The following ENTREP2 variants were observed in gnomAD, a reference collection of about 807,000 sequenced individuals.
ENTREP2 encodes the protein protein ENTREP2.
the ENTREP2 span, among the ~76,000 whole-genome samples, chr15:29,404,531 A>T: frequency 6.6e-6 from 1 of 150,700 alleles, no homozygotes; most frequent in Non-Finnish European, 1.5e-5. Flanking sequence ...CAGAAGGAAC[A>T]CCCTCCTGCC....
chr15:29,345,351 G>A, the ENTREP2 span, among the ~76,000 whole-genome samples: 1 of 152,140 alleles, frequency 6.6e-6, no homozygotes, highest in Non-Finnish European at 1.5e-5. Flanking sequence ...TCAGCCGAGT[G>A]GGGCTAGCGG....
the ENTREP2 span, among the ~76,000 whole-genome samples, chr15:29,583,896 T>C: frequency 6.6e-6 from 1 of 152,066 alleles, no homozygotes; most frequent in Non-Finnish European, 1.5e-5. Context: ...TCAAAATCCA[T>C]GAAAGGCCTA....
At chr15:29,203,339 T>C in the ENTREP2 span, among the ~76,000 whole-genome samples, 1 of 152,162 alleles carries the variant, frequency 6.6e-6, no homozygotes, top group Admixed American at 6.5e-5. Flanking sequence ...GAGGCAGAGC[T>C]TGCAGTGAGC....
chr15:29,291,036 G>A, the ENTREP2 span, among the ~76,000 whole-genome samples: 1 of 152,164 alleles, frequency 6.6e-6, no homozygotes, highest in South Asian at 2.1e-4. Flanking sequence ...GTGAGTAGAA[G>A]GGGTGTGTCC....
At chr15:29,306,712 T>TAG in the ENTREP2 span, among the ~76,000 whole-genome samples, 2 of 117,640 alleles carry the variant, frequency 1.7e-5, no homozygotes, top group African/African-American at 6.4e-5. Flanking sequence ...TTTTTGGAGA[T>TAG]AGAGTCTTGC....
chr15:29,450,046 C>G, the ENTREP2 span, among the ~76,000 whole-genome samples: 2 of 152,110 alleles, frequency 1.3e-5, no homozygotes, highest in African/African-American at 4.8e-5. Context: ...GCACGTATGT[C>G]TTTGGAAAAG....
the ENTREP2 span, among the ~76,000 whole-genome samples, chr15:29,565,960 CA>C: frequency 1.3e-3 from 163 of 123,192 alleles, no homozygotes; most frequent in African/African-American, 2.9e-3. Flanking sequence ...GGCTCTGTCT[CA>C]AAAAAAAAAA....
the ENTREP2 span, chr15:29,137,288 T>C: frequency 8.7e-7 from 1 of 1,149,260 alleles, no homozygotes; most frequent in Admixed American, 3.9e-5. Flanking sequence ...ATGATCAGTT[T>C]GGAATGCCTG....
At chr15:29,133,482 C>T in the ENTREP2 span, among the ~76,000 whole-genome samples, 1 of 152,194 alleles carries the variant, frequency 6.6e-6, no homozygotes, top group African/African-American at 2.4e-5. Context: ...GTGCCGTCCA[C>T]TCCTTTACCT....
chr15:29,470,352 A>G, the ENTREP2 span, among the ~76,000 whole-genome samples: 2 of 152,106 alleles, frequency 1.3e-5, no homozygotes, highest in African/African-American at 4.8e-5. Context: ...GGGCTACAGG[A>G]CACTCATCAA....
the ENTREP2 span, among the ~76,000 whole-genome samples, chr15:29,598,898 G>A: frequency 0.015 from 2,301 of 152,132 alleles, 61 homozygotes; most frequent in African/African-American, 0.053. Context: ...GGGTTTCACC[G>A]TGTTAGCCAG....
the ENTREP2 span, among the ~76,000 whole-genome samples, chr15:29,405,877 G>C: frequency 1.3e-5 from 2 of 152,256 alleles, no homozygotes; most frequent in Non-Finnish European, 1.5e-5. Context: ...GCACGGTCCT[G>C]AGGGGCAGTG....
At chr15:29,262,341 T>C in the ENTREP2 span, among the ~76,000 whole-genome samples, 2 of 152,214 alleles carry the variant, frequency 1.3e-5, no homozygotes, top group African/African-American at 2.4e-5. Context: ...AAGACCCTCA[T>C]TTCAGAAAAG....
At chr15:29,218,324 C>T in the ENTREP2 span, among the ~76,000 whole-genome samples, 7 of 152,182 alleles carry the variant, frequency 4.6e-5, no homozygotes, top group African/African-American at 1.7e-4. Flanking sequence ...AGAGTATATG[C>T]CCTTTGTCTT....
the ENTREP2 span, among the ~76,000 whole-genome samples, chr15:29,250,055 T>A: frequency 2.3e-4 from 35 of 152,112 alleles, no homozygotes; most frequent in Non-Finnish European, 4.3e-4. Context: ...CCCAGCAGTC[T>A]CCACCTCCAA....
chr15:29,296,514 A>C, the ENTREP2 span, among the ~76,000 whole-genome samples: 2 of 152,228 alleles, frequency 1.3e-5, no homozygotes, highest in Non-Finnish European at 2.9e-5. Flanking sequence ...AACTAGGCCC[A>C]AAATCGACAG....
the ENTREP2 span, among the ~76,000 whole-genome samples, chr15:29,431,020 C>T: frequency 6.6e-6 from 1 of 152,140 alleles, no homozygotes; most frequent in African/African-American, 2.4e-5. Flanking sequence ...TAAATATACC[C>T]CATTCCAGGA....
the ENTREP2 span, among the ~76,000 whole-genome samples, chr15:29,201,780 A>C: frequency 6.6e-6 from 1 of 152,148 alleles, no homozygotes; most frequent in Non-Finnish European, 1.5e-5. Flanking sequence ...GTAGCATGGC[A>C]ATATTACTTT....
chr15:29,594,766 A>C, the ENTREP2 span, among the ~76,000 whole-genome samples: 1 of 152,070 alleles, frequency 6.6e-6, no homozygotes, highest in Non-Finnish European at 1.5e-5. Flanking sequence ...AATTCGAGAC[A>C]AGCATGACCA....
Sources: allele counts gnomAD v4.1 joint callset (sites outside exome capture counted in the v4.1 genomes callset), GRCh38; gene constraint gnomAD v4.1.1; transcripts MANE v1.5; gene names NCBI Gene and HGNC (gene_info 2026-07-23, HGNC 2026-07-21).